The following CADM1 variants were observed in gnomAD, a reference collection of about 807,000 sequenced individuals.
CADM1 encodes the protein TSLC-1.
In CADM1, 15 loss-of-function variants were observed where a neutral mutation model predicts 53.1. That is an observed-to-expected ratio of 0.28 (90% CI 0.19 to 0.44). The LOEUF (loss-of-function observed/expected upper bound fraction) is 0.44, where lower values mean the gene tolerates loss of function less well. CADM1 is among the 20% of genes least tolerant of loss of function. The probability of loss-of-function intolerance (pLI) is 1.00; values close to 1 mark genes in which losing one functional copy is unlikely to be tolerated. For synonymous variants in CADM1, 281 were observed against 243.0 expected, an observed-to-expected ratio of 1.16 and a Z score of -1.45; for missense variants, 434 against 611.3, an observed-to-expected ratio of 0.71 and a Z score of 3.06.
At chr11:115,200,916 CT>C (rs1467797034) in intron 8 of CADM1, among the ~76,000 whole-genome samples, 5 of 152,212 alleles carry the variant, frequency 3.3e-5, no homozygotes, top group Admixed American at 2.0e-4. Flanking sequence ...CCCCAATTTA[CT>C]GTCTTCCTAC....
Position 115,340,658 on chromosome 11 carries a change from A to ATATATATATATATT in CADM1, c.125-100239_125-100238insAATATATATATATA, listed in dbSNP as rs60532835. On this transcript the variant is annotated intron_variant, in intron 1 of 11. Coordinates refer to ENST00000331581, the MANE Select transcript of CADM1 (RefSeq NM_001301043.2). ...TATATATATATATATATATATATATATTTTTTTTTTTTTTTTTTTTGAGAC... is the reference window on the plus strand; with the variant it reads ...TATATATATATATATATATATATATATATATATATATATTTTTTTTTTTTTTTTTTTTTTGAGAC... Among the ~76,000 whole-genome samples, 10 of 34,936 alleles carry ATATATATATATATT rather than the reference A, an allele frequency of 2.9e-4. 1 individual carries two copies. Among genetic ancestry groups the ATATATATATATATT allele is most frequent in the African/African-American group, 1.1e-3 (8 of 7,122 alleles). 22.9% of individuals were successfully genotyped at this position (34,936 alleles called of 152,430 possible).
chr11:115,197,835 C>T (rs1301445826), intron 9 of CADM1, among the ~76,000 whole-genome samples: 2 of 152,068 alleles, frequency 1.3e-5, no homozygotes, highest in African/African-American at 2.4e-5. Context: ...TAGGAGTGAA[C>T]CAGTGAGGGG....
At chr11:115,427,219 A>T (rs908382154) in intron 1 of CADM1, among the ~76,000 whole-genome samples, 1 of 152,246 alleles carries the variant, frequency 6.6e-6, no homozygotes, top group African/African-American at 2.4e-5. Context: ...ACGCAGAAGA[A>T]TCTTCACTGA....
intron 1 of CADM1, among the ~76,000 whole-genome samples, chr11:115,268,594 G>A (rs1943209938): frequency 6.6e-6 from 1 of 152,204 alleles, no homozygotes; most frequent in Non-Finnish European, 1.5e-5. Flanking sequence ...TGCTCTGGAA[G>A]CACTATTGAG....
chr11:115,284,104 CTCTCTCTCTCTG>C (rs1217607533), intron 1 of CADM1, among the ~76,000 whole-genome samples: 4 of 136,120 alleles, frequency 2.9e-5, no homozygotes, highest in African/African-American at 8.7e-5. Flanking sequence ...CTCTCTCTCT[CTCTCTCTCTCTG>C]TGTGTGTGTG....
rs140086416 is a variant in CADM1 at position 115,172,972 on chromosome 11, A to C, written c.*3502T>G. ...CAGACGTTATCTGCACATTTATAAG[A>C]TCGGCCACCATGAAGTGTAGTCATT... On this transcript the variant is annotated 3_prime_UTR_variant, in exon 12 of 12. Transcript: ENST00000331581. 6.6e-6 allele frequency: 1 copy of C among 152,092 alleles called. No individual in the cohort carries two copies. The highest frequency in any genetic ancestry group is 1.5e-5 in the Non-Finnish European group (1 of 68,008). The allele number at this position is 152,092 out of a possible 1,614,324, so 9.4% of individuals were successfully genotyped here. A position where few individuals can be genotyped will look rare whatever the true frequency, so the allele number is the denominator to read the frequency against.
chr11:115,404,346 A>AAAAAATATAT (rs1947251974), intron 1 of CADM1, among the ~76,000 whole-genome samples: 2 of 33,782 alleles, frequency 5.9e-5, no homozygotes, highest in African/African-American at 1.4e-4. Flanking sequence ...AAAAAAAAAA[A>AAAAAATATAT]ATATATATAT....
rs1282838204 is a variant in CADM1 at position 115,171,120 on chromosome 11, C to G, written c.*5354G>C. 1 of 152,082 alleles carries G rather than the reference C, an allele frequency of 6.6e-6. No homozygotes were observed. The highest frequency in any genetic ancestry group is 1.5e-5 in the Non-Finnish European group (1 of 68,016). 9.4% of individuals were successfully genotyped at this position (152,082 alleles called of 1,614,324 possible). A position where few individuals can be genotyped will look rare whatever the true frequency, so the allele number is the denominator to read the frequency against. Reference sequence around the variant, plus strand: ...TTCTTTCTTCTCCTGTACGGGGGGCCAGCGCTTCAAAAACTATACATGTAT... The same window carrying G: ...TTCTTTCTTCTCCTGTACGGGGGGCGAGCGCTTCAAAAACTATACATGTAT... On this transcript the variant is annotated 3_prime_UTR_variant, in exon 12 of 12. Transcript: ENST00000331581.
chr11:115,501,226 G>A (rs1173941925), intron 1 of CADM1, among the ~76,000 whole-genome samples: 1 of 152,126 alleles, frequency 6.6e-6, no homozygotes, highest in Admixed American at 6.5e-5. Context: ...CATTAATGAG[G>A]GATATTTTAT....
At chr11:115,463,892 C>A in intron 1 of CADM1, among the ~76,000 whole-genome samples, 1 of 151,576 alleles carries the variant, frequency 6.6e-6, no homozygotes. Context: ...GCCAAATTTT[C>A]TATAGAAATA....
At chr11:115,260,873 A>G (rs1942954138) in intron 1 of CADM1, among the ~76,000 whole-genome samples, 4 of 151,704 alleles carry the variant, frequency 2.6e-5, no homozygotes, top group Non-Finnish European at 5.9e-5. Flanking sequence ...ACGGGGTTTC[A>G]CCGTGTTAGC....
At chr11:115,200,577 C>A (rs1056456353) in intron 8 of CADM1, among the ~76,000 whole-genome samples, 1 of 152,156 alleles carries the variant, frequency 6.6e-6, no homozygotes, top group African/African-American at 2.4e-5. Flanking sequence ...CTCACCGCAA[C>A]CTCTGGTTCC....
chr11:115,205,679 A>C (rs1255597046), intron 8 of CADM1, among the ~76,000 whole-genome samples: 4 of 152,336 alleles, frequency 2.6e-5, no homozygotes, highest in East Asian at 1.9e-4. Context: ...GACACAATAA[A>C]AAAAAGGAAC....
chr11:115,415,621 G>C (rs974832203), intron 1 of CADM1, among the ~76,000 whole-genome samples: 8 of 151,976 alleles, frequency 5.3e-5, no homozygotes. Context: ...TGGATCACCT[G>C]AGGTCAGGAG....
chr11:115,186,399 T>C (rs1329849628), intron 10 of CADM1, among the ~76,000 whole-genome samples: 1 of 152,178 alleles, frequency 6.6e-6, no homozygotes, highest in African/African-American at 2.4e-5. Context: ...CTATGCCTGA[T>C]GGGCTGCAGA....
At chr11:115,235,151 C>T (rs1591630848) in intron 3 of CADM1, among the ~76,000 whole-genome samples, 1 of 146,588 alleles carries the variant, frequency 6.8e-6, no homozygotes, top group Non-Finnish European at 1.5e-5. Context: ...TGATATGTTA[C>T]AAAGCTGACT....
chr11:115,341,293 G>T (rs775048610), intron 1 of CADM1, among the ~76,000 whole-genome samples: 2 of 152,100 alleles, frequency 1.3e-5, no homozygotes, highest in Non-Finnish European at 2.9e-5. Flanking sequence ...CTTATATTCT[G>T]ATCAATTTAG....
intron 1 of CADM1, among the ~76,000 whole-genome samples, chr11:115,418,059 G>A (rs148903513): frequency 2.4e-4 from 37 of 152,228 alleles, no homozygotes; most frequent in African/African-American, 7.5e-4. Context: ...TCAACTTGAC[G>A]TGAAGAAAAA....
intron 1 of CADM1, among the ~76,000 whole-genome samples, chr11:115,302,708 T>C (rs919943666): frequency 2.0e-5 from 3 of 152,146 alleles, no homozygotes; most frequent in African/African-American, 7.2e-5. Flanking sequence ...TGATAGAATA[T>C]AGGTAACCAG....
Sources: allele counts gnomAD v4.1 joint callset (sites outside exome capture counted in the v4.1 genomes callset), GRCh38; gene constraint gnomAD v4.1.1; transcripts MANE v1.5; gene names NCBI Gene and HGNC (gene_info 2026-07-23, HGNC 2026-07-21).